The following PCDHGA7 variants were observed in gnomAD, a reference collection of about 807,000 sequenced individuals.
The protein encoded by PCDHGA7 is protocadherin gamma subfamily A, 7, also known as protocadherin gamma-A7.
PCDHGA7 carries 44 observed loss-of-function variants against 58.3 expected under a neutral mutation model. The observed-to-expected ratio is 0.75, with a 90% CI of 0.59 to 0.97. The LOEUF is 0.97. PCDHGA7 is among the 50% of genes least tolerant of loss of function. The pLI, the probability that PCDHGA7 is intolerant of heterozygous loss-of-function variation, is 0.00. For synonymous variants in PCDHGA7, 516 were observed against 504.2 expected (o/e 1.02, Z -0.31); for missense variants, 1,266 against 1,188.7 (o/e 1.06, Z -0.96).
intron 1 of PCDHGA7, among the ~76,000 whole-genome samples, chr5:141,492,968 C>T: frequency 6.6e-6 from 1 of 152,240 alleles, no homozygotes; most frequent in East Asian, 1.9e-4. Flanking sequence ...GACACTCTAA[C>T]AAGTCCTGTC....
chr5:141,427,931 G>T (rs1381637805), intron 1 of PCDHGA7: 3 of 1,583,646 alleles, frequency 1.9e-6, no homozygotes, highest in Non-Finnish European at 2.6e-6. Flanking sequence ...GGCGCATGTT[G>T]GTGGGCGACC....
At chr5:141,393,671 A>G in intron 1 of PCDHGA7, 1 of 1,613,944 alleles carries the variant, frequency 6.2e-7, no homozygotes, top group Non-Finnish European at 8.5e-7. Flanking sequence ...AAATTAATGA[A>G]AAACAAACTC....
intron 1 of PCDHGA7, 195 bp downstream of exon 1, chr5:141,385,518 A>T (rs1194402340): frequency 9.5e-6 from 13 of 1,366,176 alleles, no homozygotes; most frequent in Non-Finnish European, 1.2e-5. Flanking sequence ...GTGAAAGCCT[A>T]TGGACAAGAT....
chr5:141,388,402 G>C, intron 1 of PCDHGA7: 1 of 1,613,972 alleles, frequency 6.2e-7, no homozygotes, highest in Non-Finnish European at 8.5e-7. Context: ...TACCAACTCA[G>C]TCCCAGTGAT....
At position 141,403,568 on chromosome 5, in the gene PCDHGA7, ACTGCCCACCAC is replaced by A. The variant is rs758329896; in HGVS notation, c.2424+18249_2424+18259del. On this transcript the variant is annotated intron_variant, in intron 1 of 3. Coordinates refer to ENST00000518325, the MANE Select transcript of PCDHGA7 (RefSeq NM_018920.4). The stretch of plus-strand genomic sequence containing the variant: ...GCGCGCCCTGGACAGGGAGGAGGCA[ACTGCCCACCAC>A]CTGGTCCTCACGGCCTCGGATGGCG... The A allele has an allele frequency of 2.5e-6, 4 of 1,613,918 alleles. No individual in the cohort carries two copies. In the South Asian group the frequency reaches 4.4e-5, roughly 18 times the overall value.
intron 2 of PCDHGA7, among the ~76,000 whole-genome samples, chr5:141,504,369 A>G (rs968327872): frequency 6.6e-5 from 10 of 152,272 alleles, no homozygotes; most frequent in Non-Finnish European, 1.2e-4. Context: ...AGTAGGAAGC[A>G]GGTGGAGTCG....
chr5:141,474,022 A>G (rs929139769), intron 1 of PCDHGA7, among the ~76,000 whole-genome samples: 1 of 152,160 alleles, frequency 6.6e-6, no homozygotes, highest in African/African-American at 2.4e-5. Flanking sequence ...GTGAGCTATG[A>G]TTATTCCACT....
rs757691247 is a variant in PCDHGA7 at position 141,399,920 on chromosome 5, C to T, written c.2424+14597C>T. On this transcript the variant is annotated intron_variant, in intron 1 of 3. Coordinates refer to ENST00000518325, the MANE Select transcript of PCDHGA7 (RefSeq NM_018920.4). ...GTGGACGCAGACTCAGGACACAACG[C>T]CTGGCTGTCCTACCACGTGCTGCAG... is the stretch of plus-strand genomic sequence containing the variant. 1.2e-5 allele frequency: 20 copies of T among 1,612,216 alleles called. No homozygotes were observed. The South Asian group carries it at 2.1e-4, about 17-fold the overall frequency.
intron 1 of PCDHGA7, among the ~76,000 whole-genome samples, chr5:141,483,778 G>T (rs1012545478): frequency 1.6e-4 from 24 of 152,222 alleles, no homozygotes; most frequent in African/African-American, 5.8e-4. Context: ...ATTGGGGAAG[G>T]ATAAGAACTC....
chr5:141,444,762 T>A (rs767523211), intron 1 of PCDHGA7, among the ~76,000 whole-genome samples: 2 of 152,248 alleles, frequency 1.3e-5, no homozygotes, highest in Non-Finnish European at 2.9e-5. Flanking sequence ...TAGTTCTATT[T>A]CTATATTCTT....
chr5:141,383,736 T>C lies in PCDHGA7; in HGVS notation c.837T>C (p.Tyr279=), dbSNP rs1388139242. The change falls in exon 1 of 4, where the codon TAT becomes TAC. Residue 279 remains tyrosine, a synonymous_variant. Transcript: ENST00000518325. ...AGGGAGTCAATGGGGAAGTGACATATTCTTTTCGGAAAATAACTCCTAAAC... is the reference window on the plus strand; with the variant it reads ...AGGGAGTCAATGGGGAAGTGACATACTCTTTTCGGAAAATAACTCCTAAAC... The part of the protein sequence containing the change: ...LDEGVNGEVT[Y]SFRKITPKLP... 6.2e-7 allele frequency: 1 copy of C among 1,614,002 alleles called. No individual in the cohort carries two copies. The highest frequency in any genetic ancestry group is 8.5e-7 in the Non-Finnish European group (1 of 1,179,888).
At chr5:141,397,943 C>T in intron 1 of PCDHGA7, 1 of 892,874 alleles carries the variant, frequency 1.1e-6, no homozygotes, top group South Asian at 1.8e-5. Flanking sequence ...GCGCGCTTTC[C>T]AGGGCAGCCC....
intron 3 of PCDHGA7, among the ~76,000 whole-genome samples, chr5:141,507,918 G>C (rs1409126707): frequency 6.6e-6 from 1 of 152,208 alleles, no homozygotes; most frequent in Non-Finnish European, 1.5e-5. Flanking sequence ...CAGGCCTGTG[G>C]GGCTGCTGAG....
intron 1 of PCDHGA7, chr5:141,400,327 G>A: frequency 6.2e-7 from 1 of 1,614,074 alleles, no homozygotes. Context: ...GTCTGGACCT[G>A]TGGTTCCCCC....
At position 141,430,761 on chromosome 5, in the gene PCDHGA7, T is replaced by C. The variant is rs769012885; in HGVS notation, c.2424+45438T>C. The C allele has an allele frequency of 2.0e-6, 3 of 1,506,132 alleles. No individual in the cohort carries two copies. The African/African-American group carries it at 4.2e-5, about 21-fold the overall frequency. The allele number at this position is 1,506,132 out of a possible 1,614,324, so 93.3% of individuals were successfully genotyped here. ...AAATAATTCTGGAGGAAGATAAGAATGATTCCTGCGCGACTGCACCGGGAC... is the reference window on the plus strand; with the variant it reads ...AAATAATTCTGGAGGAAGATAAGAACGATTCCTGCGCGACTGCACCGGGAC... On this transcript the variant is annotated intron_variant, in intron 1 of 3. Coordinates refer to ENST00000518325, the MANE Select transcript of PCDHGA7 (RefSeq NM_018920.4).
intron 1 of PCDHGA7, chr5:141,389,294 A>C: frequency 1.2e-6 from 2 of 1,613,964 alleles, no homozygotes; most frequent in Non-Finnish European, 8.5e-7. Flanking sequence ...CCTCTATTTC[A>C]CAAGTCAGGG....
At chr5:141,478,862 C>T (rs1057119202) in intron 1 of PCDHGA7, 23 of 1,325,916 alleles carry the variant, frequency 1.7e-5, no homozygotes, top group Non-Finnish European at 2.2e-5. Flanking sequence ...AAGATCTCAG[C>T]GATCAGAGTT....
At chr5:141,420,945 G>C in intron 1 of PCDHGA7, 1 of 396,520 alleles carries the variant, frequency 2.5e-6, no homozygotes, top group South Asian at 5.1e-5. Flanking sequence ...ATTTCTTCTG[G>C]AATTTCTTAG....
chr5:141,496,888 T>TAAA (rs35063790), intron 2 of PCDHGA7, among the ~76,000 whole-genome samples: 5 of 134,118 alleles, frequency 3.7e-5, no homozygotes, highest in East Asian at 4.4e-4. Context: ...AAGTAACACT[T>TAAA]AAAAAAAAAA....
Sources: allele counts gnomAD v4.1 joint callset (sites outside exome capture counted in the v4.1 genomes callset), GRCh38; gene constraint gnomAD v4.1.1; transcripts MANE v1.5; gene names NCBI Gene and HGNC (gene_info 2026-07-23, HGNC 2026-07-21).